The following NKAIN2 variants were observed in gnomAD, a reference collection of about 807,000 sequenced individuals.
NKAIN2 encodes the protein sodium/potassium transporting ATPase interacting 2, also known as sodium/potassium-transporting ATPase subunit beta-1-interacting protein 2.
NKAIN2 carries 14 observed loss-of-function variants against 32.6 expected under a neutral mutation model. The ratio of observed to expected loss-of-function variants is 0.43; its 90% CI spans 0.28 to 0.67. The LOEUF is 0.67. Ranked by LOEUF, NKAIN2 falls within the 30% of genes least tolerant of loss-of-function variation. NKAIN2 has a pLI of 0.17. For synonymous variants in NKAIN2, 80 were observed against 87.2 expected (o/e 0.92, Z 0.46); for missense variants, 198 against 258.3 (o/e 0.77, Z 1.60).
intron 1 of NKAIN2, among the ~76,000 whole-genome samples, chr6:123,894,884 T>C (rs1774198368): frequency 1.3e-5 from 2 of 152,070 alleles, no homozygotes; most frequent in Admixed American, 1.3e-4. Flanking sequence ...GATACCATTA[T>C]AATATATCAG....
At position 124,723,919 on chromosome 6, in the gene NKAIN2, T is replaced by C. The variant is rs151214110; in HGVS notation, c.474+65533T>C. Among the ~76,000 whole-genome samples the C allele has an allele frequency of 6.6e-5, 10 of 152,348 alleles. No homozygotes were observed. In the East Asian group the frequency reaches 1.9e-3, roughly 29 times the overall value. On this transcript the variant is annotated intron_variant, in intron 4 of 6. Transcript: ENST00000368417. ...TTCTATAGTTCTGTGCTGGTATTTT[T>C]ATGCTTCTGAAACCCTGTCTGCTTT... is the stretch of plus-strand genomic sequence containing the variant.
At chr6:123,822,989 G>A (rs1276002799) in intron 1 of NKAIN2, among the ~76,000 whole-genome samples, 1 of 135,526 alleles carries the variant, frequency 7.4e-6, no homozygotes, top group African/African-American at 3.3e-5. Context: ...CGTACAGCCA[G>A]GATAAATTCC....
Position 124,705,456 on chromosome 6 carries a change from T to A in NKAIN2, c.474+47070T>A, listed in dbSNP as rs115891537. ...TGTCTGTCACAGACTGATGTGGGGA[T>A]AGTGAACATTGTAAGAAAGAATTGA... On this transcript the variant is annotated intron_variant, in intron 4 of 6. Coordinates refer to ENST00000368417, the MANE Select transcript of NKAIN2 (RefSeq NM_001040214.3). Among the ~76,000 whole-genome samples the A allele has an allele frequency of 5.1e-3, 783 of 152,210 alleles. 4 individuals carry two copies. Among genetic ancestry groups the A allele is most frequent in the African/African-American group, 0.018 (756 of 41,536 alleles).
chr6:124,800,575 G>A (rs950359945), intron 5 of NKAIN2, among the ~76,000 whole-genome samples: 10 of 152,212 alleles, frequency 6.6e-5, no homozygotes, highest in African/African-American at 2.2e-4. Flanking sequence ...AAAAATCAGT[G>A]ATGGCATTTT....
chr6:124,015,015 G>A (rs1207845663), intron 1 of NKAIN2, among the ~76,000 whole-genome samples: 1 of 152,056 alleles, frequency 6.6e-6, no homozygotes, highest in Non-Finnish European at 1.5e-5. Context: ...TTTAGGGATG[G>A]ATGTTCTAAT....
intron 1 of NKAIN2, among the ~76,000 whole-genome samples, chr6:124,262,077 A>G (rs1333095349): frequency 1.3e-5 from 2 of 152,080 alleles, no homozygotes; most frequent in Admixed American, 1.3e-4. Context: ...ACACCTGTTT[A>G]TGACCACCAC....
intron 4 of NKAIN2, among the ~76,000 whole-genome samples, chr6:124,699,275 T>C (rs1042585690): frequency 3.9e-5 from 6 of 152,166 alleles, no homozygotes; most frequent in Non-Finnish European, 8.8e-5. Context: ...TTAGCTGGAA[T>C]GTGAACCAGA....
chr6:124,779,293 A>G (rs2114779743), intron 4 of NKAIN2, among the ~76,000 whole-genome samples: 2 of 77,922 alleles, frequency 2.6e-5, no homozygotes, highest in Admixed American at 1.4e-4. Context: ...GGAAGGCAGG[A>G]AGGAGGGAGG....
chr6:124,331,066 C>A (rs1797629522), intron 2 of NKAIN2, among the ~76,000 whole-genome samples: 1 of 152,098 alleles, frequency 6.6e-6, no homozygotes, highest in Non-Finnish European at 1.5e-5. Context: ...GCATCTACTA[C>A]AATCTGAGTT....
chr6:124,725,875 C>A (rs1013012537), intron 4 of NKAIN2, among the ~76,000 whole-genome samples: 1 of 152,178 alleles, frequency 6.6e-6, no homozygotes, highest in Non-Finnish European at 1.5e-5. Flanking sequence ...CAAAGCAGGG[C>A]GAGGCATTGC....
chr6:124,493,183 A>T (rs909167784), intron 3 of NKAIN2, among the ~76,000 whole-genome samples: 1 of 152,034 alleles, frequency 6.6e-6, no homozygotes, highest in Non-Finnish European at 1.5e-5. Context: ...ACACATTATG[A>T]TATTACATTG....
intron 1 of NKAIN2, among the ~76,000 whole-genome samples, chr6:123,992,393 T>C (rs1227441557): frequency 6.6e-6 from 1 of 152,056 alleles, no homozygotes; most frequent in Non-Finnish European, 1.5e-5. Flanking sequence ...GTCCATGATA[T>C]CAGAAGTTAA....
chr6:124,423,051 T>G (rs953890160), intron 3 of NKAIN2, among the ~76,000 whole-genome samples: 10 of 152,344 alleles, frequency 6.6e-5, no homozygotes, highest in African/African-American at 2.4e-4. Flanking sequence ...TTTAACTGCA[T>G]TTCACATCTA....
At chr6:123,933,981 G>A (rs551351782) in intron 1 of NKAIN2, among the ~76,000 whole-genome samples, 2 of 151,994 alleles carry the variant, frequency 1.3e-5, no homozygotes, top group African/African-American at 4.8e-5. Context: ...GGCACAGTCT[G>A]AATGCCCATG....
Position 123,894,505 on chromosome 6 carries a change from A to G in NKAIN2, c.54+90251A>G, listed in dbSNP as rs370226681. Among the ~76,000 whole-genome samples the G allele has an allele frequency of 3.0e-4, 45 of 152,336 alleles. 1 individual carries two copies. The highest frequency in any genetic ancestry group is 1.1e-3 in the African/African-American group (44 of 41,578). On this transcript the variant is annotated intron_variant, in intron 1 of 6. Coordinates refer to ENST00000368417, the MANE Select transcript of NKAIN2 (RefSeq NM_001040214.3). ...GCATAGATTAGCTGTCGATGTTTTC[A>G]AAGGATCTGTAAAACCTGAGAAGCA...
intron 3 of NKAIN2, among the ~76,000 whole-genome samples, chr6:124,418,080 T>A (rs1774574603): frequency 6.6e-6 from 1 of 152,098 alleles, no homozygotes; most frequent in South Asian, 2.1e-4. Context: ...TTGAGAGACT[T>A]ATTAGGCATT....
intron 3 of NKAIN2, among the ~76,000 whole-genome samples, chr6:124,598,179 G>A (rs1782166855): frequency 6.6e-6 from 1 of 152,088 alleles, no homozygotes; most frequent in East Asian, 1.9e-4. Context: ...ACATTTCTAG[G>A]AAAAACTAGT....
chr6:124,387,379 A>G (rs1470380001), intron 3 of NKAIN2, among the ~76,000 whole-genome samples: 2 of 152,008 alleles, frequency 1.3e-5, no homozygotes, highest in Non-Finnish European at 2.9e-5. Flanking sequence ...TGAATTCACA[A>G]ACTGAACTAC....
intron 3 of NKAIN2, among the ~76,000 whole-genome samples, chr6:124,653,444 CAAAAAAAAAAAAAA>C (rs35842873): frequency 1.3e-5 from 1 of 79,724 alleles, no homozygotes; most frequent in Non-Finnish European, 2.4e-5. Context: ...CATCCACATG[CAAAAAAAAAAAAAA>C]AAAAAAAAAA....
Sources: gnomAD v4.1 joint callset for allele counts (sites outside exome capture counted in the v4.1 genomes callset) on GRCh38, gnomAD v4.1.1 for gene constraint, MANE v1.5 for transcripts, NCBI Gene and HGNC (gene_info 2026-07-23, HGNC 2026-07-21) for gene names.